Variants in FRMD4A observed in about 807,000 individuals in gnomAD.
FRMD4A encodes the protein FERM domain containing 4A, also known as FERM domain-containing protein 4A.
In FRMD4A, 29 loss-of-function variants were observed where a neutral mutation model predicts 129.1. That is an observed-to-expected ratio of 0.22 (90% CI 0.17 to 0.31). The LOEUF (loss-of-function observed/expected upper bound fraction) is 0.31. Ranked by LOEUF, FRMD4A falls within the 10% of genes least tolerant of loss-of-function variation. The pLI is 1.00. For missense variants in FRMD4A, 1,272 were observed against 1,375.8 expected, an observed-to-expected ratio of 0.92 and a Z score of 1.19; for synonymous variants, 634 against 571.6, an observed-to-expected ratio of 1.11 and a Z score of -1.56.
chr10:13,994,072 C>A (rs1181279503), intron 2 of FRMD4A, among the ~76,000 whole-genome samples: 1 of 144,688 alleles, frequency 6.9e-6, no homozygotes, highest in Non-Finnish European at 1.5e-5. Context: ...TGCAGTGATG[C>A]GATCTTGGCT....
intron 2 of FRMD4A, among the ~76,000 whole-genome samples, chr10:14,134,556 A>ATGGG (rs1839435421): frequency 6.6e-6 from 1 of 151,052 alleles, no homozygotes; most frequent in African/African-American, 2.4e-5. Flanking sequence ...GGTGAAAAAA[A>ATGGG]TGGGTGGATG....
At chr10:13,739,540 T>G (rs533962518) in intron 11 of FRMD4A, among the ~76,000 whole-genome samples, 1 of 152,348 alleles carries the variant, frequency 6.6e-6, no homozygotes, top group African/African-American at 2.4e-5. Flanking sequence ...TCTACTCCTT[T>G]GGCACTTTGA....
At chr10:13,933,831 C>G (rs1430483751) in intron 2 of FRMD4A, among the ~76,000 whole-genome samples, 1 of 152,136 alleles carries the variant, frequency 6.6e-6, no homozygotes, top group Non-Finnish European at 1.5e-5. Flanking sequence ...AGCAGACAAG[C>G]TGGCTAGGGG....
intron 2 of FRMD4A, among the ~76,000 whole-genome samples, chr10:14,086,812 G>C (rs1836307088): frequency 6.6e-6 from 1 of 152,182 alleles, no homozygotes; most frequent in Non-Finnish European, 1.5e-5. Context: ...TCTTCTGTCT[G>C]ATTCTGGGAG....
chr10:13,792,854 C>T (rs2093033341), intron 5 of FRMD4A, among the ~76,000 whole-genome samples: 3 of 152,238 alleles, frequency 2.0e-5, no homozygotes, highest in African/African-American at 4.8e-5. Context: ...AAACCTCCTG[C>T]AGCCTGATAC....
chr10:14,195,322 C>T (rs1021535677), intron 2 of FRMD4A, among the ~76,000 whole-genome samples: 3 of 151,820 alleles, frequency 2.0e-5, no homozygotes, highest in East Asian at 1.9e-4. Context: ...TTTAGGAATT[C>T]GGTGGAATTT....
intron 5 of FRMD4A, among the ~76,000 whole-genome samples, chr10:13,785,445 T>C (rs576989428): frequency 1.4e-3 from 220 of 152,176 alleles, no homozygotes; most frequent in African/African-American, 5.2e-3. Context: ...ATCACCAAGG[T>C]CTTCATATAG....
chr10:13,927,704 T>C (rs1460792213), intron 2 of FRMD4A, among the ~76,000 whole-genome samples: 2 of 152,218 alleles, frequency 1.3e-5, no homozygotes, highest in Non-Finnish European at 2.9e-5. Flanking sequence ...TCTATAAATG[T>C]GTAGAGACTG....
chr10:14,146,071 G>T (rs1840059810), intron 2 of FRMD4A, among the ~76,000 whole-genome samples: 1 of 152,190 alleles, frequency 6.6e-6, no homozygotes, highest in South Asian at 2.1e-4. Context: ...TGACCTTGAA[G>T]AAATTACTTA....
At chr10:13,959,871 G>T (rs1473976219) in intron 2 of FRMD4A, among the ~76,000 whole-genome samples, 3 of 152,146 alleles carry the variant, frequency 2.0e-5, no homozygotes, top group African/African-American at 7.2e-5. Context: ...ATGCTTGGGG[G>T]CATCCTCGTG....
At chr10:13,727,002 C>A (rs2104491) in intron 12 of FRMD4A, among the ~76,000 whole-genome samples, 53,908 of 152,000 alleles carry the variant, frequency 0.35, 9,665 homozygotes, top group Admixed American at 0.38. Context: ...TCCCAGGTTT[C>A]AGTGATTCTC....
chr10:14,200,261 G>C (rs1451305737), intron 2 of FRMD4A, among the ~76,000 whole-genome samples: 1 of 150,440 alleles, frequency 6.6e-6, no homozygotes, highest in African/African-American at 2.4e-5. Flanking sequence ...GATGGACTCA[G>C]GGTTGGAAGA....
chr10:14,276,654 C>T (rs1029514617), intron 2 of FRMD4A, among the ~76,000 whole-genome samples: 1 of 152,122 alleles, frequency 6.6e-6, no homozygotes, highest in Non-Finnish European at 1.5e-5. Context: ...CTACATGGGG[C>T]CCCACAGCCA....
intron 2 of FRMD4A, among the ~76,000 whole-genome samples, chr10:14,127,916 TTC>T (rs1357820268): frequency 7.5e-4 from 2 of 2,682 alleles, no homozygotes; most frequent in Middle Eastern, 0.062. Context: ...CTTTCTTTCT[TTC>T]TTTCTTTCTT....
chr10:13,741,677 A>G (rs2091014332), intron 9 of FRMD4A, among the ~76,000 whole-genome samples: 1 of 152,094 alleles, frequency 6.6e-6, no homozygotes, highest in Non-Finnish European at 1.5e-5. Flanking sequence ...CCCACAGCCT[A>G]CCTGCTCTGA....
At chr10:14,301,456 G>A (rs549582690) in intron 2 of FRMD4A, among the ~76,000 whole-genome samples, 1 of 152,312 alleles carries the variant, frequency 6.6e-6, no homozygotes, top group East Asian at 1.9e-4. Flanking sequence ...CTAGACAGAA[G>A]GCAGGGTGTG....
chr10:13,672,841 C>A (rs909293478), intron 16 of FRMD4A, among the ~76,000 whole-genome samples: 1 of 152,174 alleles, frequency 6.6e-6, no homozygotes, highest in African/African-American at 2.4e-5. Flanking sequence ...ACTACACATG[C>A]GTCAAGAGGC....
At position 13,666,103 on chromosome 10, in the gene FRMD4A, T is replaced by C. The variant is rs775460536; in HGVS notation, c.1597A>G (p.Ile533Val). The C allele has an allele frequency of 3.1e-6, 5 of 1,597,160 alleles. No individual in the cohort carries two copies. The highest frequency in any genetic ancestry group is 3.4e-6 in the Non-Finnish European group (4 of 1,164,566). ...KKPTQRASLI[I>V]DDGNIASEDS... The stretch of plus-strand genomic sequence containing the variant: ...CAGCCCGGTTGGCACTGACCGTCTA[T>C]GATCAGCGAAGCCCTCTGGGTGGGT... The change falls in exon 18 of 25, where the codon ATA (isoleucine) becomes GTA (valine). Residue 533 changes from isoleucine to valine, a missense_variant. Transcript: ENST00000357447.
At chr10:13,693,200 A>G (rs1039371169) in intron 15 of FRMD4A, 4 of 161,944 alleles carry the variant, frequency 2.5e-5, no homozygotes, top group African/African-American at 9.7e-5. Context: ...ACATTTCCAA[A>G]CCACGGCTGC....
Sources: allele counts gnomAD v4.1 joint callset (sites outside exome capture counted in the v4.1 genomes callset), GRCh38; gene constraint gnomAD v4.1.1; transcripts MANE v1.5; gene names NCBI Gene and HGNC (gene_info 2026-07-23, HGNC 2026-07-21).